Variants in CLCN5 observed in about 807,000 individuals in gnomAD.
CLCN5 encodes the protein Cl-/H+ antiporter 5, also known as H(+)/Cl(-) exchange transporter 5.
Under a neutral mutation model 54.0 loss-of-function variants are expected in CLCN5, and 17 were observed. That is an observed-to-expected ratio of 0.31 (90% confidence interval 0.22 to 0.47). The LOEUF is 0.47. Ranked by LOEUF, CLCN5 falls within the 20% of genes least tolerant of loss-of-function variation. The probability of loss-of-function intolerance (pLI) is 1.00; values close to 1 mark genes in which losing one functional copy is unlikely to be tolerated. For missense variants in CLCN5, 448 were observed against 646.7 expected (o/e 0.69, Z 3.33); for synonymous variants, 222 against 233.0 (o/e 0.95, Z 0.43).
intron 3 of CLCN5, among the ~76,000 whole-genome samples, chrX:49,935,345 A>G (rs899194877): frequency 9.0e-6 from 1 of 111,565 alleles, no homozygotes; most frequent in Non-Finnish European, 1.9e-5. Context: ...TTCTGGCTCT[A>G]TTGTATGGTC....
intron 3 of CLCN5, among the ~76,000 whole-genome samples, chrX:50,001,399 GA>G (rs1276160889): frequency 1.8e-3 from 186 of 104,958 alleles, no homozygotes; most frequent in African/African-American, 5.4e-3. Context: ...CCTCTTTACA[GA>G]AAAAAAAAAA....
intron 4 of CLCN5, among the ~76,000 whole-genome samples, chrX:50,065,233 C>A (rs1450465185): frequency 1.4e-4 from 12 of 87,472 alleles, no homozygotes; most frequent in Non-Finnish European, 2.0e-4. Context: ...CAACCTACAA[C>A]ATGGGAGAAA....
intron 3 of CLCN5, among the ~76,000 whole-genome samples, chrX:50,001,046 A>G (rs1334834167): frequency 9.0e-6 from 1 of 110,969 alleles, no homozygotes; most frequent in African/African-American, 3.3e-5. Context: ...AGCCATCAGA[A>G]GGGACCCTCT....
intron 3 of CLCN5, among the ~76,000 whole-genome samples, chrX:49,971,289 T>TTATA (rs1321013201): frequency 9.7e-6 from 1 of 103,235 alleles, no homozygotes; most frequent in African/African-American, 3.5e-5. Context: ...TTATATATAT[T>TTATA]TATATATATA....
chrX:49,956,895 G>A (rs886135992), intron 3 of CLCN5, among the ~76,000 whole-genome samples: 8 of 111,600 alleles, frequency 7.2e-5, no homozygotes, highest in African/African-American at 1.6e-4. Context: ...GTTCATTCAT[G>A]TCTCCATTAA....
At position 50,092,184 on chromosome X, in the gene CLCN5, GC is replaced by G; in HGVS notation, c.2417del (p.Ala806GlyfsTer19). ...KDVLKHIAQM[A>X]NQDPDSILFN ...TGTGTTAAAGCATATAGCACAGATG[GC>G]GAACCAAGATCCTGATTCCATTCTC... On this transcript the variant is annotated frameshift_variant, in exon 15 of 15. Transcript: ENST00000376091. LOFTEE classifies it high-confidence loss of function. 8.3e-7 allele frequency: 1 copy of G among 1,202,420 alleles called. No individual in the cohort carries two copies. The highest frequency in any genetic ancestry group is 1.1e-6 in the Non-Finnish European group (1 of 887,026).
At chrX:50,045,206 T>TA (rs1557187652) in intron 4 of CLCN5, among the ~76,000 whole-genome samples, 1 of 111,418 alleles carries the variant, frequency 9.0e-6, no homozygotes, top group Non-Finnish European at 1.9e-5. Flanking sequence ...CTTGGGAAGA[T>TA]ATGTCAGGAA....
intron 3 of CLCN5, among the ~76,000 whole-genome samples, chrX:50,025,655 TACTC>T (rs1286087610): frequency 1.3e-4 from 15 of 111,229 alleles, no homozygotes; most frequent in African/African-American, 5.0e-4. Flanking sequence ...CTCTCTTACT[TACTC>T]TTTCCATCTA....
At chrX:49,935,429 G>A (rs782698278) in intron 3 of CLCN5, among the ~76,000 whole-genome samples, 2 of 112,208 alleles carry the variant, frequency 1.8e-5, no homozygotes, top group Non-Finnish European at 3.8e-5. Flanking sequence ...GCACTGTGTT[G>A]GGTGGATGCT....
At chrX:50,077,461 G>GA (rs1324982346) in intron 7 of CLCN5, among the ~76,000 whole-genome samples, 7 of 102,002 alleles carry the variant, frequency 6.9e-5, no homozygotes, top group Admixed American at 1.1e-4. Flanking sequence ...TACTTGTTAA[G>GA]AAAAAAAAAA....
intron 4 of CLCN5, among the ~76,000 whole-genome samples, chrX:50,065,270 A>G (rs1932960171): frequency 1.1e-5 from 1 of 93,139 alleles, no homozygotes; most frequent in African/African-American, 3.9e-5. Flanking sequence ...CATCTGACAA[A>G]GGGCTAATAG....
intron 3 of CLCN5, among the ~76,000 whole-genome samples, chrX:49,961,491 T>TC (rs1213886695): frequency 8.9e-6 from 1 of 111,905 alleles, no homozygotes; most frequent in Non-Finnish European, 1.9e-5. Flanking sequence ...ACACAGAGGG[T>TC]TGAACCCTGG....
intron 3 of CLCN5, among the ~76,000 whole-genome samples, chrX:50,040,194 AG>A (rs1932165149): frequency 8.9e-6 from 1 of 111,784 alleles, no homozygotes. Flanking sequence ...CTCCGGAGAA[AG>A]GGATTGAAGA....
Position 50,093,085 on chromosome X carries a change from A to G in CLCN5, c.*866A>G, listed in dbSNP as rs1323934459. On this transcript the variant is annotated 3_prime_UTR_variant, in exon 15 of 15. Transcript: ENST00000376091. ...AGTAAACTTCTAAGCAAAGTCAATG[A>G]CTAGGAGTTTCACATGTTTGTGAGG... 2 of 112,381 alleles carry G rather than the reference A, an allele frequency of 1.8e-5. No individual in the cohort carries two copies. Among genetic ancestry groups the G allele is most frequent in the East Asian group, 5.6e-4 (2 of 3,591 alleles). The allele number at this position is 112,381 out of a possible 1,213,427, so 9.3% of individuals were successfully genotyped here.
At chrX:50,044,461 G>A (rs918033380) in intron 4 of CLCN5, among the ~76,000 whole-genome samples, 8 of 112,004 alleles carry the variant, frequency 7.1e-5, no homozygotes, top group African/African-American at 2.6e-4. Context: ...GATAGTTGGT[G>A]TTATGTGCAT....
At chrX:50,006,834 C>T (rs782756938) in intron 3 of CLCN5, among the ~76,000 whole-genome samples, 10 of 111,858 alleles carry the variant, frequency 8.9e-5, no homozygotes, top group Non-Finnish European at 1.5e-4. Flanking sequence ...CAGAAGAGAA[C>T]AGTACAGCCA....
At chrX:50,016,192 C>T (rs1444681327) in intron 3 of CLCN5, among the ~76,000 whole-genome samples, 8 of 111,374 alleles carry the variant, frequency 7.2e-5, no homozygotes, top group Non-Finnish European at 1.5e-4. Flanking sequence ...TTTAACAGCC[C>T]TCCAGGTGAT....
chrX:50,013,407 G>C (rs368776921), intron 3 of CLCN5: 159 of 273,359 alleles, frequency 5.8e-4, no homozygotes, highest in African/African-American at 4.3e-3. Flanking sequence ...AGCTGTGCTG[G>C]GAGTACCCTG....
At chrX:50,065,303 AC>A (rs2147528940) in intron 4 of CLCN5, among the ~76,000 whole-genome samples, 1 of 89,382 alleles carries the variant, frequency 1.1e-5, no homozygotes, top group East Asian at 3.4e-4. Flanking sequence ...ATGAACTCAA[AC>A]AAATTTACAA....
Sources: allele counts gnomAD v4.1 joint callset (sites outside exome capture counted in the v4.1 genomes callset), GRCh38; gene constraint gnomAD v4.1.1; transcripts MANE v1.5; gene names NCBI Gene and HGNC (gene_info 2026-07-23, HGNC 2026-07-21).